CD200R1: variants seen among roughly 807,000 people sequenced by gnomAD.
CD200R1 encodes the protein cell surface glycoprotein CD200 receptor 1.
Under a neutral mutation model 38.1 loss-of-function variants are expected in CD200R1, and 30 were observed. That is an observed-to-expected ratio of 0.79 (90% CI 0.59 to 1.07). The LOEUF is 1.07. Among genes scored for constraint, CD200R1 ranks in the 50% least tolerant of loss-of-function variants. The pLI is 0.00. For synonymous variants in CD200R1, 128 were observed against 152.1 expected, an observed-to-expected ratio of 0.84 and a Z score of 1.16; for missense variants, 372 against 415.4, an observed-to-expected ratio of 0.90 and a Z score of 0.91.
In CD200R1 at chr3:112,921,778, A is replaced by G. The variant is rs960119681; in HGVS notation, c.*1899T>C. On this transcript the variant is annotated 3_prime_UTR_variant, in exon 8 of 8. Transcript: ENST00000308611. The stretch of plus-strand genomic sequence containing the variant: ...TTCATACAATTATTTTCTGTACAAT[A>G]TAATTTAACTTCTATAAATTATCTT... The G allele has an allele frequency of 6.6e-6, 1 of 152,090 alleles. No homozygotes were observed. Among genetic ancestry groups the G allele is most frequent in the African/African-American group, 2.4e-5 (1 of 41,444 alleles). 9.4% of individuals were successfully genotyped at this position (152,090 alleles called of 1,614,324 possible).
intron 1 of CD200R1, among the ~76,000 whole-genome samples, chr3:112,948,367 G>A (rs1940909163): frequency 1.3e-5 from 2 of 152,066 alleles, no homozygotes; most frequent in Non-Finnish European, 2.9e-5. Flanking sequence ...ATGGGAAAAC[G>A]GTCCCCAACC....
In CD200R1 at chr3:112,975,029, G is replaced by A. The variant is rs749537162; in HGVS notation, c.-172C>T. Reference sequence around the variant, plus strand: ...CTAGCCCCTTCCTTCACGTCTATGTGGTTTAGCCTGGTTAGTAACTTGGAC... The same window carrying A: ...CTAGCCCCTTCCTTCACGTCTATGTAGTTTAGCCTGGTTAGTAACTTGGAC... On this transcript the variant is annotated 5_prime_UTR_variant, in exon 1 of 8. Transcript: ENST00000308611. 2 of 575,720 alleles carry A rather than the reference G, an allele frequency of 3.5e-6. No homozygotes were observed. The highest frequency in any genetic ancestry group is 3.1e-6 in the Non-Finnish European group (1 of 322,376). The allele number at this position is 575,720 out of a possible 1,614,324, so 35.7% of individuals were successfully genotyped here.
chr3:112,964,537 G>A (rs1316892726), intron 1 of CD200R1, among the ~76,000 whole-genome samples: 1 of 152,224 alleles, frequency 6.6e-6, no homozygotes, highest in Non-Finnish European at 1.5e-5. Flanking sequence ...CATGGGGCCT[G>A]TAGCCCCTTT....
intron 2 of CD200R1, among the ~76,000 whole-genome samples, chr3:112,941,563 T>G (rs934346874): frequency 3.3e-5 from 5 of 151,612 alleles, no homozygotes; most frequent in African/African-American, 9.7e-5. Flanking sequence ...TTGAGCTCTG[T>G]AGAGTTTTTC....
At chr3:112,938,850 T>G (rs1023248023) in intron 2 of CD200R1, among the ~76,000 whole-genome samples, 1 of 151,848 alleles carries the variant, frequency 6.6e-6, no homozygotes, top group African/African-American at 2.4e-5. Flanking sequence ...CACAAGCCAA[T>G]ACTACTAATA....
intron 1 of CD200R1, among the ~76,000 whole-genome samples, chr3:112,963,925 CCTAGGGA>C (rs1323549582): frequency 6.6e-6 from 1 of 152,146 alleles, no homozygotes; most frequent in Non-Finnish European, 1.5e-5. Flanking sequence ...CTGTGTGCAG[CCTAGGGA>C]CTTGGTTCCC....
intron 2 of CD200R1, among the ~76,000 whole-genome samples, chr3:112,937,175 A>G (rs1940603906): frequency 6.6e-6 from 1 of 152,156 alleles, no homozygotes; most frequent in Non-Finnish European, 1.5e-5. Context: ...AGCAGCATGG[A>G]GAAGTGCCAA....
At chr3:112,967,878 T>C (rs1187060393) in intron 1 of CD200R1, among the ~76,000 whole-genome samples, 1 of 152,240 alleles carries the variant, frequency 6.6e-6, no homozygotes, top group African/African-American at 2.4e-5. Flanking sequence ...CTGTTTGATA[T>C]GATTAGCAAT....
At chr3:112,965,800 A>G (rs1401090854) in intron 1 of CD200R1, among the ~76,000 whole-genome samples, 1 of 152,132 alleles carries the variant, frequency 6.6e-6, no homozygotes, top group East Asian at 1.9e-4. Context: ...AGGGGAACAC[A>G]GCATGTTTGT....
At chr3:112,974,145 G>C (rs1249187863) in intron 1 of CD200R1, among the ~76,000 whole-genome samples, 1 of 152,082 alleles carries the variant, frequency 6.6e-6, no homozygotes, top group African/African-American at 2.4e-5. Context: ...AAAAAATTAA[G>C]AGAGAAGAGG....
Position 112,929,430 on chromosome 3 carries a change from T to G in CD200R1, c.280A>C (p.Ile94Leu), listed in dbSNP as rs768685543. 1 of 1,613,954 alleles carries G rather than the reference T, an allele frequency of 6.2e-7. No homozygotes were observed. The highest frequency in any genetic ancestry group is 1.1e-5 in the South Asian group (1 of 91,074). ...CPPIALRNLIIITWEIILRGQ... is the reference protein window; with the variant it reads ...CPPIALRNLILITWEIILRGQ... ...CTCAGGATTATTTCCCATGTTATTATGATCAAATTTCTTAATGCGATAGGA... is the reference window on the plus strand; with the variant it reads ...CTCAGGATTATTTCCCATGTTATTAGGATCAAATTTCTTAATGCGATAGGA... The change falls in exon 4 of 8, where the codon ATA becomes CTA. Residue 94 changes from isoleucine (I) to leucine (L), a missense_variant. Transcript: ENST00000308611.
rs1559951927 is a variant in CD200R1, at chr3:112,947,942, C to T, written c.68-18G>A. 6.5e-7 allele frequency: 1 copy of T among 1,547,014 alleles called. No individual in the cohort carries two copies. The highest frequency in any genetic ancestry group is 8.9e-7 in the Non-Finnish European group (1 of 1,119,142). On this transcript the variant is annotated intron_variant, in intron 1 of 7. Transcript: ENST00000308611. Reference sequence around the variant, plus strand: ...CTCCGCTTCTGAATTTTGAAAAAGACATAGGGGGTAGAGAGAGAAATATGC... The same window carrying T: ...CTCCGCTTCTGAATTTTGAAAAAGATATAGGGGGTAGAGAGAGAAATATGC...
chr3:112,965,715 C>T (rs1027280547), intron 1 of CD200R1, among the ~76,000 whole-genome samples: 2 of 151,758 alleles, frequency 1.3e-5, no homozygotes, highest in Non-Finnish European at 2.9e-5. Context: ...TAGCCGAGAT[C>T]GCACCACTGC....
At chr3:112,962,948 A>T (rs972340058) in intron 1 of CD200R1, among the ~76,000 whole-genome samples, 1 of 152,150 alleles carries the variant, frequency 6.6e-6, no homozygotes, top group Admixed American at 6.5e-5. Context: ...TGTGGGAGGG[A>T]CCTAGTAGGA....
At chr3:112,969,339 C>T (rs1933242712) in intron 1 of CD200R1, among the ~76,000 whole-genome samples, 1 of 152,072 alleles carries the variant, frequency 6.6e-6, no homozygotes, top group African/African-American at 2.4e-5. Flanking sequence ...ACTAAGAGAA[C>T]TCCTCACTAG....
chr3:112,946,215 G>A (rs185015696), intron 2 of CD200R1, among the ~76,000 whole-genome samples: 3 of 151,846 alleles, frequency 2.0e-5, no homozygotes, highest in Admixed American at 6.6e-5. Context: ...TTTTTAAATC[G>A]TCTCTAGATT....
chr3:112,944,320 TGCAAGCCTG>T (rs1685730987), intron 2 of CD200R1, among the ~76,000 whole-genome samples: 1 of 152,014 alleles, frequency 6.6e-6, no homozygotes, highest in South Asian at 2.1e-4. Flanking sequence ...ATTCCAGATA[TGCAAGCCTG>T]GCTCAAAATT....
chr3:112,974,501 T>A (rs1007048317), intron 1 of CD200R1, among the ~76,000 whole-genome samples: 8 of 152,068 alleles, frequency 5.3e-5, no homozygotes, highest in African/African-American at 1.9e-4. Flanking sequence ...GCTGCTAGTA[T>A]GTATTTGATT....
intron 1 of CD200R1, among the ~76,000 whole-genome samples, chr3:112,955,840 C>T (rs1357280251): frequency 1.3e-5 from 2 of 150,552 alleles, no homozygotes; most frequent in Non-Finnish European, 2.9e-5. Flanking sequence ...TCTTTTCTGG[C>T]CCATAAGGTT....
Sources: allele counts gnomAD v4.1 joint callset (sites outside exome capture counted in the v4.1 genomes callset), GRCh38; gene constraint gnomAD v4.1.1; transcripts MANE v1.5; gene names NCBI Gene and HGNC (gene_info 2026-07-23, HGNC 2026-07-21).